The following PCED1A variants were observed in gnomAD, a reference collection of about 807,000 sequenced individuals.
The protein encoded by PCED1A is PC-esterase domain containing 1A, also known as PC-esterase domain-containing protein 1A.
A neutral mutation model predicts 41.9 loss-of-function variants in PCED1A; 20 were observed. The ratio of observed to expected loss-of-function variants is 0.48; its 90% CI spans 0.34 to 0.69. The LOEUF is 0.69. Ranked by LOEUF, PCED1A falls within the 30% of genes least tolerant of loss-of-function variation. The pLI, the probability that PCED1A is intolerant of heterozygous loss-of-function variation, is 0.01. For synonymous variants in PCED1A, 236 were observed against 241.3 expected, an observed-to-expected ratio of 0.98 and a Z score of 0.20; for missense variants, 498 against 602.1, an observed-to-expected ratio of 0.83 and a Z score of 1.81.
Position 2,835,652 on chromosome 20 carries a change from G to C in PCED1A, c.1175C>G (p.Pro392Arg). 1.3e-6 allele frequency: 2 copies of C among 1,597,760 alleles called. No homozygotes were observed. Among genetic ancestry groups the C allele is most frequent in the Non-Finnish European group, 1.7e-6 (2 of 1,167,904 alleles). ...PGPLPPPIPG[P>R]NPHGQHWGPV... ...GCCCCAGTGCTGACCATGGGGATTAGGGCCAGGGATTGGAGGTGGCAGAGG... is the reference window on the plus strand; with the variant it reads ...GCCCCAGTGCTGACCATGGGGATTACGGCCAGGGATTGGAGGTGGCAGAGG... Residue 392 changes from proline (P) to arginine (R), a missense_variant, in exon 8 of 8, where the codon CCT becomes CGT. This residue lies in a region of PCED1A where 245 missense variants were observed against 232.4 expected (regional missense o/e 1.05). Transcript: ENST00000360652.
chr20:2,840,164 T>C (rs559204137), intron 1 of PCED1A, 47 bp downstream of exon 1: 173 of 371,700 alleles, frequency 4.7e-4, no homozygotes, highest in African/African-American at 3.6e-3. Context: ...CCTCGCCACG[T>C]GCCCGCCGCC....
chr20:2,837,035 C>T (rs2088847164), intron 6 of PCED1A, among the ~76,000 whole-genome samples: 1 of 152,164 alleles, frequency 6.6e-6, no homozygotes, highest in Admixed American at 6.5e-5. Context: ...AATCAATCTG[C>T]TGTGACCAAA....
In PCED1A at chr20:2,835,687, A is replaced by G. The variant is rs2088813746; in HGVS notation, c.1140T>C (p.Phe380=). The G allele has an allele frequency of 2.5e-6, 4 of 1,573,036 alleles. No homozygotes were observed. The highest frequency in any genetic ancestry group is 1.3e-5 in the African/African-American group (1 of 74,082). Residue 380 remains phenylalanine, a synonymous_variant, in exon 8 of 8, where the codon TTT becomes TTC. Transcript: ENST00000360652. ...TTGGAGGTGGCAGAGGGCCAGGCACAAAGTTCACTCCAGGGCCACATCCTA... is the reference window on the plus strand; with the variant it reads ...TTGGAGGTGGCAGAGGGCCAGGCACGAAGTTCACTCCAGGGCCACATCCTA... ...PHLGCGPGVN[F]VPGPLPPPIP...
chr20:2,840,352 A>G lies in PCED1A; in HGVS notation c.-163T>C. The G allele has an allele frequency of 3.7e-6, 1 of 272,638 alleles. No individual in the cohort carries two copies. The highest frequency in any genetic ancestry group is 7.0e-6 in the Non-Finnish European group (1 of 143,136). 16.9% of individuals were successfully genotyped at this position (272,638 alleles called of 1,614,324 possible). On this transcript the variant is annotated 5_prime_UTR_variant, in exon 1 of 8. Coordinates refer to ENST00000360652, the MANE Select transcript of PCED1A (RefSeq NM_022760.6). The stretch of plus-strand genomic sequence containing the variant: ...CGGTTCTGCAAAGCTCCCGCCCCGC[A>G]GAGACCGTGGGTCCAGGTTAGCCGT...
chr20:2,839,111 G>A, intron 3 of PCED1A, 29 bp from the exon 4 acceptor site: 1 of 1,543,952 alleles, frequency 6.5e-7, no homozygotes, highest in Non-Finnish European at 8.7e-7. Flanking sequence ...CTACTGGTCA[G>A]ACCCATGCCA....
chr20:2,838,984 C>T lies in PCED1A; in HGVS notation c.303G>A (p.Ser101=), dbSNP rs138501389. The change falls in exon 4 of 8, where the codon TCG becomes TCA. Residue 101 remains serine, a synonymous_variant. Coordinates refer to ENST00000360652, the MANE Select transcript of PCED1A (RefSeq NM_022760.6). The surrounding 1 kb of genome is among the most constrained non-coding windows in gnomAD (Gnocchi z 5.8). ...TQYREVRQFC[S]GSGHHLVRFY... is the part of the protein sequence containing the mutation. ...AGCGCACAAGGTGGTGGCCAGAGCC[C>T]GAGCAGAACTGGCGGACCTCACGAT... 1.9e-6 allele frequency: 3 copies of T among 1,613,950 alleles called. No homozygotes were observed. Among genetic ancestry groups the T allele is most frequent in the East Asian group, 4.5e-5 (2 of 44,880 alleles).
chr20:2,837,215 G>C (rs761373197), intron 6 of PCED1A, among the ~76,000 whole-genome samples: 5 of 152,122 alleles, frequency 3.3e-5, no homozygotes, highest in Non-Finnish European at 7.3e-5. Flanking sequence ...AAGAAAATGG[G>C]GATGTTTAAC....
chr20:2,836,132 G>T lies in PCED1A; in HGVS notation c.1024C>A (p.Gln342Lys). 6.3e-7 allele frequency: 1 copy of T among 1,592,710 alleles called. No individual in the cohort carries two copies. Among genetic ancestry groups the T allele is most frequent in the Non-Finnish European group, 8.5e-7 (1 of 1,169,642 alleles). ...SPPPLFPPLP[Q>K]DTPFFPGQPF... ...TGGCCTGGGAAAAAAGGGGTATCCT[G>T]GGGCAGGGGTGGGAAGAGGGGAGGT... Residue 342 changes from glutamine to lysine, a missense_variant, in exon 7 of 8, where the codon CAG becomes AAG. Around this residue, in one of 2 missense-constraint regions of PCED1A, gnomAD observed 245 missense variants for 232.4 expected, o/e 1.05. Transcript: ENST00000360652.
intron 6 of PCED1A, among the ~76,000 whole-genome samples, chr20:2,837,633 G>A (rs572221842): frequency 6.6e-6 from 1 of 152,242 alleles, no homozygotes; most frequent in East Asian, 1.9e-4. Flanking sequence ...AAAACAAGGG[G>A]GAGTGGGGCC....
At chr20:2,836,890 T>C (rs545291676) in intron 6 of PCED1A, among the ~76,000 whole-genome samples, 5 of 152,342 alleles carry the variant, frequency 3.3e-5, no homozygotes, top group Non-Finnish European at 5.9e-5. Flanking sequence ...GTTTCCGCCA[T>C]AGCCCCTCTT....
Position 2,836,185 on chromosome 20 carries a change from A to G in PCED1A, c.971T>C (p.Phe324Ser). Reference protein sequence around the residue: ...PPSSLPPPMPFPYPLPQPSPP... With the variant: ...PPSSLPPPMPSPYPLPQPSPP... ...CGAGGGCTGAGGAAGCGGGTAGGGA[A>G]AAGGCATGGGAGGAGGCAAAGAAGA... The change falls in exon 7 of 8, where the codon TTT (phenylalanine) becomes TCT (serine). Residue 324 changes from phenylalanine to serine, a missense_variant. Coordinates refer to ENST00000360652, the MANE Select transcript of PCED1A (RefSeq NM_022760.6). 1 of 1,611,634 alleles carries G rather than the reference A, an allele frequency of 6.2e-7. No individual in the cohort carries two copies. The highest frequency in any genetic ancestry group is 8.5e-7 in the Non-Finnish European group (1 of 1,178,160).
Position 2,838,323 on chromosome 20 carries a change from G to A in PCED1A, c.750C>T (p.Asp250=). The change falls in exon 6 of 8, where the codon GAC becomes GAT. Residue 250 remains aspartate (D), a synonymous_variant. Transcript: ENST00000360652. This position sits in a 1 kb window ranked among gnomAD's most constrained non-coding sequence, Gnocchi z 5.8. The stretch of plus-strand genomic sequence containing the variant: ...GTGAGAGGTGGCGGTGTGCATGCTG[G>A]TCCCAGTGGACACCATCCCGATGAC... ...QHRHRDGVHW[D]QHAHRHLSHL... is the part of the protein sequence containing the mutation. 1 of 1,614,224 alleles carries A rather than the reference G, an allele frequency of 6.2e-7. No individual in the cohort carries two copies. The highest frequency in any genetic ancestry group is 8.5e-7 in the Non-Finnish European group (1 of 1,180,036).
chr20:2,840,399 GC>G lies in PCED1A; in HGVS notation c.-211del, dbSNP rs1396869540. 2.8e-6 allele frequency: 1 copy of G among 361,226 alleles called. No individual in the cohort carries two copies. The highest frequency in any genetic ancestry group is 2.2e-5 in the African/African-American group (1 of 45,094). The allele number at this position is 361,226 out of a possible 1,614,324, so 22.4% of individuals were successfully genotyped here. On this transcript the variant is annotated 5_prime_UTR_variant, in exon 1 of 8. The change creates a premature stop within an existing upstream ORF in the 5' untranslated region. Transcript: ENST00000360652. ...CCGTCGGTGCACAGCCCAGCGCCCA[GC>G]GCTCTCCATGCGAGCGTCGCTGTGG...
rs751899 is a variant in PCED1A, at chr20:2,838,155, T to C, written c.841+77A>G. The C allele has an allele frequency of 0.56, 896,042 of 1,597,392 alleles. 260,718 individuals carry two copies. Among genetic ancestry groups the C allele is most frequent in the East Asian group, 0.87 (38,854 of 44,676 alleles). On this transcript the variant is annotated intron_variant, in intron 6 of 7. Transcript: ENST00000360652. This position sits in a 1 kb window ranked among gnomAD's most constrained non-coding sequence, Gnocchi z 5.8. The stretch of plus-strand genomic sequence containing the variant: ...GACCTCTACTTCCCTTGAGTGGCTG[T>C]GTCCCATTCTGTTTCTGAGCCCTGT...
At position 2,840,064 on chromosome 20, in the gene PCED1A, C is replaced by T. The variant is rs2088927871; in HGVS notation, c.-21-131G>A. On this transcript the variant is annotated intron_variant, in intron 1 of 7. Transcript: ENST00000360652. ...GCAGCAGAGCCATGGTGGCGCCAGC[C>T]TTGGTCACACTTGGTACCAGAGGCA... The T allele has an allele frequency of 3.3e-6, 3 of 915,922 alleles. No homozygotes were observed. In the African/African-American group the frequency reaches 5.1e-5, roughly 16 times the overall value. 56.7% of individuals were successfully genotyped at this position (915,922 alleles called of 1,614,324 possible).
chr20:2,836,200 G>A lies in PCED1A; in HGVS notation c.956C>T (p.Pro319Leu). ...ALLPPPPSSL[P>L]PPMPFPYPLP... ...CGGGTAGGGAAAAGGCATGGGAGGA[G>A]GCAAAGAAGAAGGTGGGGGTGGGAG... The change falls in exon 7 of 8, where the codon CCT (proline) becomes CTT (leucine). Residue 319 changes from proline (P) to leucine (L), a missense_variant. By Grantham distance (98) the Pro-to-Leu change is moderately conservative. Coordinates refer to ENST00000360652, the MANE Select transcript of PCED1A (RefSeq NM_022760.6). 7 of 1,611,458 alleles carry A rather than the reference G, an allele frequency of 4.3e-6. No homozygotes were observed. Among genetic ancestry groups the A allele is most frequent in the Non-Finnish European group, 5.9e-6 (7 of 1,177,860 alleles).
chr20:2,840,835 G>GGGCCC, upstream of PCED1A: 35 of 1,522,974 alleles, frequency 2.3e-5, no homozygotes, highest in Non-Finnish European at 2.8e-5. Context: ...CCGGTGAGCT[G>GGGCCC]CCCCGCCCTC....
chr20:2,840,180 G>C (rs1378865429), intron 1 of PCED1A, 31 bp downstream of exon 1: 1 of 338,448 alleles, frequency 3.0e-6, no homozygotes, highest in Non-Finnish European at 5.3e-6. Context: ...CCGCCGTCCC[G>C]CGCATGCGCG....
At chr20:2,840,907 CCT>C (rs1399345077), upstream of PCED1A, 6 of 1,378,968 alleles carry the variant, frequency 4.4e-6, no homozygotes, top group Admixed American at 6.4e-5. Context: ...GGCGTTCGCC[CCT>C]GTCACTACTG....
Sources: allele counts gnomAD v4.1 joint callset (sites outside exome capture counted in the v4.1 genomes callset), GRCh38; gene constraint gnomAD v4.1.1; regional missense constraint gnomAD v4.1.1; non-coding constraint Gnocchi (gnomAD v3.1); transcripts MANE v1.5; gene names NCBI Gene and HGNC (gene_info 2026-07-23, HGNC 2026-07-21).